Variants in HPSE2 observed in about 807,000 individuals in gnomAD.
HPSE2 encodes the protein inactive heparanase-2.
A neutral mutation model predicts 60.5 loss-of-function variants in HPSE2; 38 were observed. That is an observed-to-expected ratio of 0.63 (90% CI 0.48 to 0.82). The LOEUF (loss-of-function observed/expected upper bound fraction) is 0.82, where lower values mean the gene tolerates loss of function less well. Among genes scored for constraint, HPSE2 ranks in the 40% least tolerant of loss-of-function variants. The pLI is 0.00. For missense variants in HPSE2, 713 were observed against 740.4 expected, an observed-to-expected ratio of 0.96 and a Z score of 0.43; for synonymous variants, 295 against 293.2, an observed-to-expected ratio of 1.01 and a Z score of -0.06.
chr10:98,497,743 A>C (rs770243878), intron 9 of HPSE2, among the ~76,000 whole-genome samples: 1 of 152,156 alleles, frequency 6.6e-6, no homozygotes, highest in Admixed American at 6.5e-5. Flanking sequence ...GTTTTTCCAA[A>C]TAAATTTTGA....
At chr10:99,190,478 C>A (rs545994694) in intron 2 of HPSE2, among the ~76,000 whole-genome samples, 1 of 152,250 alleles carries the variant, frequency 6.6e-6, no homozygotes, top group East Asian at 1.9e-4. Context: ...AAAACTAAGG[C>A]CTAGCAACAT....
chr10:99,044,248 G>A (rs1221429320), intron 3 of HPSE2, among the ~76,000 whole-genome samples: 1 of 152,134 alleles, frequency 6.6e-6, no homozygotes, highest in Admixed American at 6.5e-5. Flanking sequence ...TTCATATCCT[G>A]CCAAACTAAG....
chr10:99,088,740 A>G (rs933576078), intron 3 of HPSE2, among the ~76,000 whole-genome samples: 1 of 152,230 alleles, frequency 6.6e-6, no homozygotes, highest in Non-Finnish European at 1.5e-5. Flanking sequence ...TTGCTGGATC[A>G]AATGGTAGAT....
At chr10:98,578,412 T>C (rs1944700439) in intron 9 of HPSE2, among the ~76,000 whole-genome samples, 1 of 152,162 alleles carries the variant, frequency 6.6e-6, no homozygotes, top group African/African-American at 2.4e-5. Context: ...AATCGAATGC[T>C]TCAATCTTCT....
intron 2 of HPSE2, among the ~76,000 whole-genome samples, chr10:99,227,837 CTATA>C (rs35461640): frequency 7.0e-6 from 1 of 142,326 alleles, no homozygotes; most frequent in African/African-American, 2.6e-5. Flanking sequence ...AGTTGAATGT[CTATA>C]TATATATATA....
Position 98,561,131 on chromosome 10 carries a change from G to A in HPSE2, c.1320+53773C>T, listed in dbSNP as rs117394521. Among the ~76,000 whole-genome samples the A allele has an allele frequency of 2.2e-4, 34 of 151,764 alleles. No individual in the cohort carries two copies. In the East Asian group the frequency reaches 5.8e-3, roughly 26 times the overall value. On this transcript the variant is annotated intron_variant, in intron 9 of 11. Transcript: ENST00000370552. ...AGACTTTCCAGGGGGACAAGATGTG[G>A]AGGTGCAAGAAAGTGATACTGGTTT... is the stretch of plus-strand genomic sequence containing the variant.
chr10:98,608,838 G>A (rs1036223310), intron 9 of HPSE2, among the ~76,000 whole-genome samples: 3 of 152,108 alleles, frequency 2.0e-5, no homozygotes, highest in African/African-American at 7.2e-5. Context: ...AAAGAGAAAG[G>A]CGGCTTCACC....
intron 3 of HPSE2, among the ~76,000 whole-genome samples, chr10:99,000,334 A>C (rs1956748586): frequency 6.6e-6 from 1 of 152,198 alleles, no homozygotes; most frequent in Non-Finnish European, 1.5e-5. Flanking sequence ...AATTTGAGAC[A>C]ACTCAAGGTG....
chr10:98,850,856 T>A (rs1952157243), intron 3 of HPSE2, among the ~76,000 whole-genome samples: 1 of 152,016 alleles, frequency 6.6e-6, no homozygotes, highest in South Asian at 2.1e-4. Context: ...ATGAGAAATA[T>A]CAGAGACATT....
intron 3 of HPSE2, among the ~76,000 whole-genome samples, chr10:98,836,496 T>C (rs1391367485): frequency 6.6e-6 from 1 of 151,980 alleles, no homozygotes; most frequent in African/African-American, 2.4e-5. Context: ...AATTACATCA[T>C]GAATCTAACA....
intron 3 of HPSE2, among the ~76,000 whole-genome samples, chr10:99,084,880 A>G (rs1843266263): frequency 2.0e-5 from 3 of 152,300 alleles, no homozygotes; most frequent in African/African-American, 7.2e-5. Flanking sequence ...AAAAGTAACA[A>G]ACTCTGCAGT....
intron 3 of HPSE2, among the ~76,000 whole-genome samples, chr10:99,015,651 A>C (rs9420750): frequency 0.84 from 110,771 of 131,272 alleles, 45,563 homozygotes; most frequent in South Asian, 0.89. Context: ...GGGAACATCA[A>C]ACACCGGGGC....
chr10:99,091,788 C>T (rs1051877681), intron 3 of HPSE2, among the ~76,000 whole-genome samples: 1 of 152,034 alleles, frequency 6.6e-6, no homozygotes, highest in East Asian at 1.9e-4. Flanking sequence ...GTAGTTCTGC[C>T]GTATCATTTT....
intron 3 of HPSE2, among the ~76,000 whole-genome samples, chr10:98,819,298 C>T (rs1258217934): frequency 1.3e-5 from 2 of 152,144 alleles, no homozygotes; most frequent in African/African-American, 4.8e-5. Flanking sequence ...TGACACTCAT[C>T]AGCCTCAACC....
At chr10:99,013,385 G>T in intron 3 of HPSE2, 2 of 565,642 alleles carry the variant, frequency 3.5e-6, no homozygotes, top group Admixed American at 4.7e-5. Context: ...TACAGACTCT[G>T]TGTTAGTATA....
At chr10:98,968,728 A>C (rs1955876478) in intron 3 of HPSE2, among the ~76,000 whole-genome samples, 1 of 152,192 alleles carries the variant, frequency 6.6e-6, no homozygotes. Context: ...TGTTGTTCTA[A>C]GTGAAGTAAC....
At chr10:98,482,930 G>C (rs1474192508) in intron 10 of HPSE2, 148 bp from the exon 11 acceptor site, 1 of 738,150 alleles carries the variant, frequency 1.4e-6, no homozygotes, top group African/African-American at 1.8e-5. Context: ...AAGAAAGGAA[G>C]GCCTTGTTAT....
intron 3 of HPSE2, among the ~76,000 whole-genome samples, chr10:99,062,807 C>A (rs559128666): frequency 6.6e-6 from 1 of 152,298 alleles, no homozygotes; most frequent in African/African-American, 2.4e-5. Context: ...AAAGAAGTTA[C>A]AAACACCTCA....
chr10:98,985,015 T>C (rs1020634959), intron 3 of HPSE2, among the ~76,000 whole-genome samples: 6 of 152,154 alleles, frequency 3.9e-5, no homozygotes, highest in Non-Finnish European at 7.3e-5. Context: ...CTACATATGA[T>C]TGGTGTACCT....
Sources: allele counts gnomAD v4.1 joint callset (sites outside exome capture counted in the v4.1 genomes callset), GRCh38; gene constraint gnomAD v4.1.1; transcripts MANE v1.5; gene names NCBI Gene and HGNC (gene_info 2026-07-23, HGNC 2026-07-21).